The following ADGRG6 variants were observed in gnomAD, a reference collection of about 807,000 sequenced individuals.
The protein encoded by ADGRG6 is adhesion G protein-coupled receptor G6.
In ADGRG6, 84 loss-of-function variants were observed where a neutral mutation model predicts 142.4. The ratio of observed to expected loss-of-function variants is 0.59; its 90% CI spans 0.49 to 0.71. The LOEUF (loss-of-function observed/expected upper bound fraction) is 0.71. Ranked by LOEUF, ADGRG6 falls within the 30% of genes least tolerant of loss-of-function variation. The pLI, the probability that ADGRG6 is intolerant of heterozygous loss-of-function variation, is 0.00. For missense variants in ADGRG6, 1,367 were observed against 1,466.6 expected (o/e 0.93, Z 1.11); for synonymous variants, 521 against 520.5 (o/e 1.00, Z -0.01).
intron 2 of ADGRG6, among the ~76,000 whole-genome samples, chr6:142,337,205 A>T (rs1260626597): frequency 6.6e-6 from 1 of 152,206 alleles, no homozygotes; most frequent in Non-Finnish European, 1.5e-5. Flanking sequence ...CAAGCATTTC[A>T]TGTAATCTGG....
intron 24 of ADGRG6, among the ~76,000 whole-genome samples, chr6:142,441,761 C>T (rs1247730469): frequency 6.6e-6 from 1 of 152,172 alleles, no homozygotes; most frequent in Non-Finnish European, 1.5e-5. Flanking sequence ...CACCAGAAAA[C>T]CAATGGCTAG....
At chr6:142,345,313 A>G (rs1327413654) in intron 2 of ADGRG6, among the ~76,000 whole-genome samples, 2 of 152,060 alleles carry the variant, frequency 1.3e-5, no homozygotes, top group East Asian at 3.8e-4. Context: ...ACATATCGTA[A>G]TATCTTTGGC....
intron 2 of ADGRG6, among the ~76,000 whole-genome samples, chr6:142,357,416 A>AT (rs1424496776): frequency 3.4e-4 from 51 of 148,102 alleles, no homozygotes; most frequent in African/African-American, 1.4e-3. Context: ...AATTTTTCTT[A>AT]AAAAAACATT....
intron 2 of ADGRG6, among the ~76,000 whole-genome samples, chr6:142,333,446 T>C (rs548508526): frequency 6.6e-6 from 1 of 152,320 alleles, no homozygotes; most frequent in Non-Finnish European, 1.5e-5. Context: ...TTGATATTAA[T>C]GTGTGGTGTA....
chr6:142,403,762 T>A (rs1481710411), intron 13 of ADGRG6, 40 bp from the exon 14 acceptor site: 1 of 1,256,480 alleles, frequency 8.0e-7, no homozygotes, highest in Non-Finnish European at 1.1e-6. Flanking sequence ...ATCTAAAATA[T>A]CATATTACTT....
intron 1 of ADGRG6, among the ~76,000 whole-genome samples, chr6:142,308,381 A>G (rs1213928019): frequency 6.6e-6 from 1 of 151,944 alleles, no homozygotes; most frequent in African/African-American, 2.4e-5. Context: ...TGAGATGGAG[A>G]TGGTCTCTTA....
At chr6:142,365,529 A>G (rs1780905877) in intron 2 of ADGRG6, among the ~76,000 whole-genome samples, 1 of 152,192 alleles carries the variant, frequency 6.6e-6, no homozygotes, top group African/African-American at 2.4e-5. Flanking sequence ...AAATCATCTC[A>G]CAAATGGAAG....
chr6:142,344,347 A>T lies in ADGRG6; in HGVS notation c.104-23222A>T, dbSNP rs117498089. On this transcript the variant is annotated intron_variant, in intron 2 of 24. Coordinates refer to ENST00000367609, the MANE Select transcript of ADGRG6 (RefSeq NM_198569.3). ...AGTGAAAAGATTTTTGAAATGCTTT[A>T]TTAATACAATCTGAGTATTTGACAT... Among the ~76,000 whole-genome samples the T allele has an allele frequency of 1.8e-3, 274 of 152,102 alleles. 2 individuals are homozygous for T. Among genetic ancestry groups the T allele is most frequent in the South Asian group, 3.3e-3 (16 of 4,830 alleles).
intron 9 of ADGRG6, among the ~76,000 whole-genome samples, chr6:142,395,103 A>G (rs554581494): frequency 1.3e-5 from 2 of 152,236 alleles, no homozygotes; most frequent in East Asian, 3.9e-4. Flanking sequence ...CTAGAAAAAC[A>G]AATGTTTTGA....
At chr6:142,368,159 T>C (rs1335879561) in intron 3 of ADGRG6, among the ~76,000 whole-genome samples, 1 of 152,258 alleles carries the variant, frequency 6.6e-6, no homozygotes, top group Admixed American at 6.5e-5. Flanking sequence ...ATTTAAAGGC[T>C]GCTTGGAAGA....
chr6:142,388,486 C>G (rs1466791577), intron 6 of ADGRG6, among the ~76,000 whole-genome samples: 1 of 151,852 alleles, frequency 6.6e-6, no homozygotes, highest in Non-Finnish European at 1.5e-5. Flanking sequence ...GGTTTGCATT[C>G]CTATAAACCC....
intron 2 of ADGRG6, among the ~76,000 whole-genome samples, chr6:142,328,034 T>C (rs368769834): frequency 1.2e-4 from 19 of 152,254 alleles, no homozygotes; most frequent in African/African-American, 4.6e-4. Flanking sequence ...TTAGGAATAC[T>C]TAAGTGCCAG....
chr6:142,395,675 C>CT (rs1775149503), intron 9 of ADGRG6, among the ~76,000 whole-genome samples: 1 of 152,148 alleles, frequency 6.6e-6, no homozygotes, highest in East Asian at 1.9e-4. Context: ...TATTTAGGGG[C>CT]TTTTTGGTAT....
At chr6:142,428,888 AT>A (rs1224221479) in intron 22 of ADGRG6, among the ~76,000 whole-genome samples, 4 of 152,054 alleles carry the variant, frequency 2.6e-5, no homozygotes, top group African/African-American at 7.2e-5. Flanking sequence ...CATTTTGTTG[AT>A]TTTTTTCCTG....
intron 4 of ADGRG6, among the ~76,000 whole-genome samples, chr6:142,371,493 T>TG (rs1445375479): frequency 6.7e-6 from 1 of 148,652 alleles, no homozygotes; most frequent in Non-Finnish European, 1.5e-5. Context: ...TGTTTTTTTT[T>TG]TTTTTTTTGA....
chr6:142,362,100 A>G (rs1273519698), intron 2 of ADGRG6, among the ~76,000 whole-genome samples: 1 of 152,216 alleles, frequency 6.6e-6, no homozygotes, highest in Non-Finnish European at 1.5e-5. Flanking sequence ...AGTATTACAG[A>G]AGAAAGAGAT....
chr6:142,417,894 T>G (rs995368836), intron 21 of ADGRG6, among the ~76,000 whole-genome samples: 25 of 152,180 alleles, frequency 1.6e-4, no homozygotes, highest in Non-Finnish European at 3.4e-4. Context: ...CCACCATGGG[T>G]ACTCAATAAA....
intron 7 of ADGRG6, 76 bp from the exon 8 acceptor site, chr6:142,392,872 G>A: frequency 1.0e-6 from 1 of 973,196 alleles, no homozygotes; most frequent in South Asian, 1.4e-5. Context: ...AACAACTTAT[G>A]TTTTAGGTAG....
intron 22 of ADGRG6, among the ~76,000 whole-genome samples, chr6:142,435,748 G>GAGGAATACA (rs1439122950): frequency 6.6e-6 from 1 of 152,108 alleles, no homozygotes; most frequent in African/African-American, 2.4e-5. Context: ...ATGAATAAAT[G>GAGGAATACA]AGGAATACAA....
Sources: allele counts gnomAD v4.1 joint callset (sites outside exome capture counted in the v4.1 genomes callset), GRCh38; gene constraint gnomAD v4.1.1; transcripts MANE v1.5; gene names NCBI Gene and HGNC (gene_info 2026-07-23, HGNC 2026-07-21).